Variants in CXADR observed in about 807,000 individuals in gnomAD.
CXADR encodes coxsackievirus and adenovirus receptor.
A neutral mutation model predicts 40.3 loss-of-function variants in CXADR; 20 were observed. The ratio of observed to expected loss-of-function variants is 0.50; its 90% confidence interval spans 0.35 to 0.72. The LOEUF (loss-of-function observed/expected upper bound fraction) is 0.72. CXADR is among the 30% of genes least tolerant of loss of function. The pLI, the probability that CXADR is intolerant of heterozygous loss-of-function variation, is 0.01. For missense variants in CXADR, 332 were observed against 449.1 expected (o/e 0.74, Z 2.36); for synonymous variants, 150 against 161.3 (o/e 0.93, Z 0.53).
chr21:17,618,095 T>C, the CXADR span, among the ~76,000 whole-genome samples: 3 of 152,220 alleles, frequency 2.0e-5, no homozygotes, highest in Non-Finnish European at 4.4e-5. Context: ...CTCACACCTG[T>C]AATCCTAGCA....
chr21:17,565,956 C>T lies in CXADR; in HGVS notation c.*264C>T, dbSNP rs2061203355. 8.9e-7 allele frequency: 1 copy of T among 1,119,256 alleles called. No individual in the cohort carries two copies. The highest frequency in any genetic ancestry group is 1.1e-6 in the Non-Finnish European group (1 of 913,388). 69.3% of individuals were successfully genotyped at this position (1,119,256 alleles called of 1,614,324 possible). A position where few individuals can be genotyped will look rare whatever the true frequency, so the allele number is the denominator to read the frequency against. On this transcript the variant is annotated 3_prime_UTR_variant, in exon 7 of 7. Coordinates refer to ENST00000284878, the MANE Select transcript of CXADR (RefSeq NM_001338.5). The stretch of plus-strand genomic sequence containing the variant: ...TGATTATAAAGTTTTCTAAATTTAT[C>T]AGTACCTAAGTAAGATGTAGCGCTT...
chr21:17,513,393 C>T (rs565722469), intron 1 of CXADR, among the ~76,000 whole-genome samples: 4 of 151,646 alleles, frequency 2.6e-5, no homozygotes, highest in African/African-American at 4.9e-5. Context: ...GCGGAGTGCC[C>T]GGGGACGGAG....
At chr21:17,585,980 T>C (rs970987837) in intron 7 of CXADR, among the ~76,000 whole-genome samples, 3 of 152,224 alleles carry the variant, frequency 2.0e-5, no homozygotes, top group African/African-American at 7.2e-5. Flanking sequence ...ATTTAAGCTA[T>C]AACCACTAAC....
intron 1 of CXADR, among the ~76,000 whole-genome samples, chr21:17,524,828 G>C (rs1004464278): frequency 1.3e-5 from 2 of 151,912 alleles, no homozygotes; most frequent in African/African-American, 4.8e-5. Context: ...AGAATCACTT[G>C]AGCCCAGGAG....
chr21:17,557,049 A>C (rs762150281), intron 3 of CXADR, among the ~76,000 whole-genome samples: 3 of 152,258 alleles, frequency 2.0e-5, no homozygotes, highest in Non-Finnish European at 4.4e-5. Context: ...TAATACTGCA[A>C]AACAAAAATG....
At chr21:17,533,844 A>G (rs2060709109) in intron 1 of CXADR, among the ~76,000 whole-genome samples, 1 of 151,546 alleles carries the variant, frequency 6.6e-6, no homozygotes, top group Non-Finnish European at 1.5e-5. Flanking sequence ...TACTTATGCC[A>G]TTTCTCATTG....
chr21:17,611,318 C>T, the CXADR span, among the ~76,000 whole-genome samples: 3 of 152,296 alleles, frequency 2.0e-5, no homozygotes, highest in South Asian at 4.1e-4. Flanking sequence ...TTAACTAGAT[C>T]TTTCTCCTCA....
At chr21:17,523,471 C>T (rs1229791702) in intron 1 of CXADR, among the ~76,000 whole-genome samples, 4 of 152,126 alleles carry the variant, frequency 2.6e-5, no homozygotes, top group African/African-American at 7.2e-5. Context: ...GAGTTTATAT[C>T]ACCACTCACA....
intron 6 of CXADR, among the ~76,000 whole-genome samples, 159 bp downstream of exon 6, chr21:17,561,635 T>G (rs2061123076): frequency 6.6e-6 from 1 of 152,202 alleles, no homozygotes; most frequent in African/African-American, 2.4e-5. Context: ...TACTTCTAAC[T>G]GCAAGTGCAG....
chr21:17,596,700 T>C (rs1294832715), downstream of CXADR, among the ~76,000 whole-genome samples: 2 of 152,092 alleles, frequency 1.3e-5, no homozygotes, highest in East Asian at 1.9e-4. Flanking sequence ...TATAATAGCT[T>C]TGAATTAGTG....
At chr21:17,626,164 C>T in the CXADR span, among the ~76,000 whole-genome samples, 5 of 152,080 alleles carry the variant, frequency 3.3e-5, no homozygotes, top group African/African-American at 7.2e-5. Flanking sequence ...TTTTCATATA[C>T]GGACAGACTA....
intron 1 of CXADR, among the ~76,000 whole-genome samples, chr21:17,538,163 G>A (rs993488379): frequency 6.6e-6 from 1 of 151,542 alleles, no homozygotes; most frequent in South Asian, 2.1e-4. Flanking sequence ...CACCACGTCC[G>A]GCTAATTTTT....
chr21:17,560,612 T>C lies in CXADR; in HGVS notation c.572-90T>C, dbSNP rs974909276. 2.3e-6 allele frequency: 3 copies of C among 1,310,898 alleles called. No homozygotes were observed. In the African/African-American group the frequency reaches 4.4e-5, roughly 19 times the overall value. The allele number at this position is 1,310,898 out of a possible 1,614,324, so 81.2% of individuals were successfully genotyped here. A position where few individuals can be genotyped will look rare whatever the true frequency, so the allele number is the denominator to read the frequency against. Reference sequence around the variant, plus strand: ...TGGTCTGTCTTGCTTTTAACTGGATTGTTTAATTTGGAGAGGACTATGTTT... The same window carrying C: ...TGGTCTGTCTTGCTTTTAACTGGATCGTTTAATTTGGAGAGGACTATGTTT... On this transcript the variant is annotated intron_variant, in intron 4 of 6. Transcript: ENST00000284878.
chr21:17,532,316 A>G (rs1427479095), intron 1 of CXADR, among the ~76,000 whole-genome samples: 1 of 152,046 alleles, frequency 6.6e-6, no homozygotes, highest in Admixed American at 6.6e-5. Flanking sequence ...AACGTCTCCT[A>G]TTCTATTTGC....
the CXADR span, among the ~76,000 whole-genome samples, chr21:17,600,007 G>C: frequency 2.6e-5 from 4 of 151,980 alleles, no homozygotes; most frequent in Admixed American, 6.5e-5. Context: ...GAGTTTCCTA[G>C]GATAACTACT....
intron 4 of CXADR, among the ~76,000 whole-genome samples, 163 bp from the exon 5 acceptor site, chr21:17,560,539 T>C (rs2061102929): frequency 6.6e-6 from 1 of 152,206 alleles, no homozygotes; most frequent in African/African-American, 2.4e-5. Context: ...ATGATTGAAT[T>C]CTGGAAACAT....
the CXADR span, among the ~76,000 whole-genome samples, chr21:17,630,810 C>T: frequency 6.6e-6 from 1 of 151,986 alleles, no homozygotes; most frequent in Admixed American, 6.6e-5. Flanking sequence ...TTCAGAAATT[C>T]TGCTTCCTAC....
chr21:17,536,692 G>A (rs977718885), intron 1 of CXADR, among the ~76,000 whole-genome samples: 2 of 152,186 alleles, frequency 1.3e-5, no homozygotes, highest in African/African-American at 4.8e-5. Context: ...AGAGGAGGAA[G>A]CAATTAACAC....
At chr21:17,519,426 C>T (rs2060501141) in intron 1 of CXADR, among the ~76,000 whole-genome samples, 1 of 152,216 alleles carries the variant, frequency 6.6e-6, no homozygotes, top group South Asian at 2.1e-4. Context: ...GTGATTATTC[C>T]ACTAGTCATG....
Sources: gnomAD v4.1 joint callset for allele counts (sites outside exome capture counted in the v4.1 genomes callset) on GRCh38, gnomAD v4.1.1 for gene constraint, MANE v1.5 for transcripts, NCBI Gene and HGNC (gene_info 2026-07-23, HGNC 2026-07-21) for gene names.